GPR157: variants seen among roughly 807,000 people sequenced by gnomAD.
GPR157 encodes the protein G protein-coupled receptor 157, also known as G-protein coupled receptor 157.
In GPR157, 16 loss-of-function variants were observed where a neutral mutation model predicts 23.5. That is an observed-to-expected ratio of 0.68 (90% confidence interval 0.46 to 1.04). GPR157 has a LOEUF of 1.04. Among genes scored for constraint, GPR157 ranks in the 50% least tolerant of loss-of-function variants. The probability of loss-of-function intolerance (pLI) is 0.00; values close to 1 mark genes in which losing one functional copy is unlikely to be tolerated. For synonymous variants in GPR157, 200 were observed against 221.5 expected, an observed-to-expected ratio of 0.90 and a Z score of 0.86; for missense variants, 440 against 460.7, an observed-to-expected ratio of 0.96 and a Z score of 0.41.
intron 1 of GPR157, among the ~76,000 whole-genome samples, chr1:9,117,670 G>A (rs1264558229): frequency 1.3e-5 from 2 of 152,158 alleles, no homozygotes; most frequent in Non-Finnish European, 2.9e-5. Context: ...GCTGAGGCAG[G>A]AGAATCACTT....
intron 2 of GPR157, among the ~76,000 whole-genome samples, chr1:9,110,358 A>G (rs1638457032): frequency 6.6e-6 from 1 of 152,158 alleles, no homozygotes; most frequent in Non-Finnish European, 1.5e-5. Context: ...CCCTGCCTCT[A>G]CTAAAAGAAC....
rs1642579755 is a variant in GPR157, at chr1:9,102,520, A to G, written c.*1899T>C. 6.6e-6 allele frequency: 1 copy of G among 152,162 alleles called. No individual in the cohort carries two copies. The highest frequency in any genetic ancestry group is 2.1e-4 in the South Asian group (1 of 4,828). The allele number at this position is 152,162 out of a possible 1,614,324, so 9.4% of individuals were successfully genotyped here. ...GCTAAATGATTATTCCTTTCCTGAT[A>G]CAGATTTTGGTTTTGAGAGTCAAAC... On this transcript the variant is annotated 3_prime_UTR_variant, in exon 4 of 4. Coordinates refer to ENST00000377411, the MANE Select transcript of GPR157 (RefSeq NM_024980.5).
At position 9,114,200 on chromosome 1, in the gene GPR157, G is replaced by A. The variant is rs143667741; in HGVS notation, c.384-2711C>T. ...AAAAATTAGCCAGGTGTGGTAGTGC[G>A]TCCCTGTAATCCCATCTTAGTGGGA... On this transcript the variant is annotated intron_variant, in intron 1 of 3. Transcript: ENST00000377411. Among the ~76,000 whole-genome samples the A allele has an allele frequency of 3.6e-3, 544 of 151,264 alleles. 2 individuals are homozygous for A. The highest frequency in any genetic ancestry group is 0.012 in the African/African-American group (506 of 41,166).
At chr1:9,114,003 C>T (rs1441942123) in intron 1 of GPR157, among the ~76,000 whole-genome samples, 1 of 141,700 alleles carries the variant, frequency 7.1e-6, no homozygotes, top group Non-Finnish European at 1.5e-5. Context: ...ACACACACCA[C>T]CCATAAAAGA....
chr1:9,108,969 T>C (rs2478870), intron 2 of GPR157, among the ~76,000 whole-genome samples: 108,610 of 151,826 alleles, frequency 0.72, 39,284 homozygotes, highest in African/African-American at 0.83. Context: ...GTATTTTTCA[T>C]AGAGACAGAG....
In GPR157 at chr1:9,111,349, T is replaced by G; in HGVS notation, c.524A>C (p.Lys175Thr). 6.2e-7 allele frequency: 1 copy of G among 1,614,158 alleles called. No homozygotes were observed. Among genetic ancestry groups the G allele is most frequent in the Non-Finnish European group, 8.5e-7 (1 of 1,180,034 alleles). ...DHVLWMLLTG[K>T]LWEMLAYVLL... ...CACATATGCCAGCATCTCCCACAGC[T>G]TCCCCGTCAGCAGCATCCACAGGAC... The change falls in exon 2 of 4, where the codon AAG (lysine) becomes ACG (threonine). Residue 175 changes from lysine to threonine, a missense_variant. Physicochemically the swap from Lys to Thr is moderately conservative, Grantham distance 78. Coordinates refer to ENST00000377411, the MANE Select transcript of GPR157 (RefSeq NM_024980.5).
At chr1:9,123,510 TATATATTTAATTTAAATATATATTTAA>T (rs1312023885) in intron 1 of GPR157, among the ~76,000 whole-genome samples, 2 of 24,526 alleles carry the variant, frequency 8.2e-5, no homozygotes, top group Non-Finnish European at 1.2e-4. Flanking sequence ...ATATTCAAAA[TATATATTTAATTTAAATATATATTTAA>T]ATATATCTAA....
intron 1 of GPR157, among the ~76,000 whole-genome samples, chr1:9,123,779 AATAT>A (rs1184138659): frequency 1.6e-5 from 2 of 124,694 alleles, no homozygotes; most frequent in African/African-American, 3.1e-5. Context: ...TTTAATATTA[AATAT>A]ATATTTAATA....
At chr1:9,112,931 G>A (rs983262760) in intron 1 of GPR157, among the ~76,000 whole-genome samples, 10 of 152,176 alleles carry the variant, frequency 6.6e-5, no homozygotes, top group African/African-American at 2.4e-4. Flanking sequence ...TAGTGTAGTG[G>A]GCTTGGATTT....
intron 1 of GPR157, among the ~76,000 whole-genome samples, chr1:9,124,219 C>T (rs972151131): frequency 7.2e-5 from 11 of 152,122 alleles, no homozygotes; most frequent in Non-Finnish European, 7.3e-5. Context: ...GAGTCTTGGA[C>T]TGGGTCAGAA....
intron 1 of GPR157, 62 bp from the exon 2 acceptor site, chr1:9,111,551 T>TGGTG: frequency 7.2e-7 from 1 of 1,390,028 alleles, no homozygotes; most frequent in Non-Finnish European, 1.0e-6. Context: ...AATGTCAGCC[T>TGGTG]TCGCAAAAAT....
intron 1 of GPR157, among the ~76,000 whole-genome samples, chr1:9,123,356 TA>T (rs1472303687): frequency 1.3e-4 from 3 of 22,888 alleles, no homozygotes; most frequent in East Asian, 3.4e-3. Context: ...ATATTTAATT[TA>T]AATATATATT....
rs1240566862 is a variant in GPR157, at chr1:9,105,007, C to A, written c.793-373G>T. On this transcript the variant is annotated intron_variant, in intron 3 of 3. Coordinates refer to ENST00000377411, the MANE Select transcript of GPR157 (RefSeq NM_024980.5). This position sits in a 1 kb window ranked among gnomAD's most constrained non-coding sequence, Gnocchi z 4.8. ...AAAGCCAGACTCTGTCCCCGCACCCCCCCCCAAAAAAGAGAAATGGCTGAG... is the reference window on the plus strand; with the variant it reads ...AAAGCCAGACTCTGTCCCCGCACCCACCCCCAAAAAAGAGAAATGGCTGAG... Among the ~76,000 whole-genome samples, 2 of 145,562 alleles carry A rather than the reference C, an allele frequency of 1.4e-5. No individual in the cohort carries two copies. Among genetic ancestry groups the A allele is most frequent in the African/African-American group, 5.1e-5 (2 of 39,272 alleles).
chr1:9,116,283 A>AT (rs1557698094), intron 1 of GPR157, among the ~76,000 whole-genome samples: 463 of 13,900 alleles, frequency 0.033, 13 homozygotes, highest in African/African-American at 0.058. Context: ...TTATATATAA[A>AT]TTATATATAA....
chr1:9,123,273 T>A (rs377422540), intron 1 of GPR157, among the ~76,000 whole-genome samples: 4 of 21,272 alleles, frequency 1.9e-4, no homozygotes, highest in Non-Finnish European at 2.8e-4. Flanking sequence ...TATATATATT[T>A]AAATATATAT....
chr1:9,109,079 ATTTT>A (rs35405293), intron 2 of GPR157, among the ~76,000 whole-genome samples: 4 of 121,928 alleles, frequency 3.3e-5, no homozygotes, highest in African/African-American at 1.2e-4. Flanking sequence ...CCCGGCCCTA[ATTTT>A]TTTTTTTTTT....
At position 9,111,419 on chromosome 1, in the gene GPR157, C is replaced by T. The variant is rs765736117; in HGVS notation, c.454G>A (p.Val152Met). The change falls in exon 2 of 4, where the codon GTG (valine) becomes ATG (methionine). Residue 152 changes from valine to methionine, a missense_variant. Transcript: ENST00000377411. ...TCGATCCAGCACCAGCCCACAGACA[C>T]GTCCGAGGCGTCATAGCCAATCTTC... is the stretch of plus-strand genomic sequence containing the variant. ...LKKIGYDASD[V>M]SVGWCWIDLE... is the part of the protein sequence containing the mutation. 96 of 1,614,074 alleles carry T rather than the reference C, an allele frequency of 5.9e-5. No homozygotes were observed. Among genetic ancestry groups the T allele is most frequent in the Non-Finnish European group, 7.3e-5 (86 of 1,180,048 alleles).
rs913292702 is a variant in GPR157 at position 9,118,565 on chromosome 1, TC to T, written c.384-7077del. 1.1e-4 allele frequency among the ~76,000 whole-genome samples: 16 copies of T among 152,194 alleles called. No individual in the cohort carries two copies. Among genetic ancestry groups the T allele is most frequent in the African/African-American group, 3.9e-4 (16 of 41,448 alleles). ...AAGCCAGACTCCAAGTCGGCTTCCT[TC>T]CCACTCAGAGGCCGTTAAGGGTTCA... On this transcript the variant is annotated intron_variant, in intron 1 of 3. Transcript: ENST00000377411. The surrounding 1 kb of genome is among the most constrained non-coding windows in gnomAD (Gnocchi z 4.6).
rs1569985436 is a variant in GPR157 at position 9,128,501 on chromosome 1, C to T, written c.383+144G>A. 6 of 801,020 alleles carry T rather than the reference C, an allele frequency of 7.5e-6. No individual in the cohort carries two copies. The highest frequency in any genetic ancestry group is 1.7e-5 in the African/African-American group (1 of 58,796). 49.6% of individuals were successfully genotyped at this position (801,020 alleles called of 1,614,324 possible). ...GCAAGGCTGGCCTCCTCCCGCTGGC[C>T]CAGGACAGCCTCGGGGGCGCCAGCA... On this transcript the variant is annotated intron_variant, in intron 1 of 3. Coordinates refer to ENST00000377411, the MANE Select transcript of GPR157 (RefSeq NM_024980.5). This position sits in a 1 kb window ranked among gnomAD's most constrained non-coding sequence, Gnocchi z 6.3.
Sources: gnomAD v4.1 joint callset for allele counts (sites outside exome capture counted in the v4.1 genomes callset) on GRCh38, gnomAD v4.1.1 for gene constraint, Gnocchi (gnomAD v3.1) non-coding constraint, MANE v1.5 for transcripts, NCBI Gene and HGNC (gene_info 2026-07-23, HGNC 2026-07-21) for gene names.